Variants in EDIL3 observed in about 807,000 individuals in gnomAD.
EDIL3 encodes EGF like and discoidin domains 3.
A neutral mutation model predicts 67.4 loss-of-function variants in EDIL3; 37 were observed. The observed-to-expected ratio is 0.55, with a 90% CI of 0.42 to 0.72. EDIL3 has a LOEUF of 0.72. Among genes scored for constraint, EDIL3 ranks in the 30% least tolerant of loss-of-function variants. EDIL3 has a pLI of 0.00. For synonymous variants in EDIL3, 195 were observed against 196.3 expected (o/e 0.99, Z 0.05); for missense variants, 527 against 586.3 (o/e 0.90, Z 1.04).
chr5:84,280,885 A>G (rs1580052628), intron 1 of EDIL3, among the ~76,000 whole-genome samples: 1 of 148,040 alleles, frequency 6.8e-6, no homozygotes, highest in African/African-American at 2.5e-5. Context: ...CATGAGTTTG[A>G]AGCTACAGTG....
intron 1 of EDIL3, among the ~76,000 whole-genome samples, chr5:84,370,865 G>A (rs1747828518): frequency 6.6e-6 from 1 of 151,912 alleles, no homozygotes; most frequent in African/African-American, 2.4e-5. Context: ...GTCTATCAAA[G>A]GAACACATTT....
At chr5:84,140,393 T>G (rs1276190430) in intron 4 of EDIL3, among the ~76,000 whole-genome samples, 1 of 152,100 alleles carries the variant, frequency 6.6e-6, no homozygotes, top group African/African-American at 2.4e-5. Context: ...GACACTGCTG[T>G]TTTTTGCCTC....
At chr5:84,346,247 G>A (rs1747238375) in intron 1 of EDIL3, among the ~76,000 whole-genome samples, 1 of 149,930 alleles carries the variant, frequency 6.7e-6, no homozygotes, top group Non-Finnish European at 1.5e-5. Context: ...GGGTTCAAGC[G>A]ATTCCCCTGC....
rs1744633985 is a variant in EDIL3 at position 83,963,203 on chromosome 5, A to C, written c.1293+2T>G. On this transcript the variant is annotated splice_donor_variant, in intron 10 of 10. Transcript: ENST00000296591. LOFTEE classifies it high-confidence loss of function. ...CTTTATAAACCGATTTGGCTGACTT[A>C]CCTTATCTTTTCTTTGCTTTTCATC... 6.3e-7 allele frequency: 1 copy of C among 1,590,246 alleles called. No individual in the cohort carries two copies. The highest frequency in any genetic ancestry group is 8.5e-7 in the Non-Finnish European group (1 of 1,170,702).
At chr5:83,997,810 G>A (rs992746618) in intron 9 of EDIL3, among the ~76,000 whole-genome samples, 2 of 152,112 alleles carry the variant, frequency 1.3e-5, no homozygotes, top group African/African-American at 4.8e-5. Flanking sequence ...TCAGGTGAGT[G>A]ATCAGAGTAA....
intron 6 of EDIL3, among the ~76,000 whole-genome samples, chr5:84,074,608 T>C (rs1200271934): frequency 6.6e-6 from 1 of 151,706 alleles, no homozygotes; most frequent in African/African-American, 2.4e-5. Flanking sequence ...ATGCTCACCA[T>C]CACTGGCCAT....
intron 2 of EDIL3, among the ~76,000 whole-genome samples, chr5:84,232,408 A>G (rs1023283075): frequency 1.3e-5 from 2 of 152,088 alleles, no homozygotes; most frequent in Non-Finnish European, 2.9e-5. Flanking sequence ...TCTAAGAAGG[A>G]AGACTGGAAG....
At chr5:84,240,568 A>G (rs1363262098) in intron 2 of EDIL3, among the ~76,000 whole-genome samples, 1 of 152,066 alleles carries the variant, frequency 6.6e-6, no homozygotes, top group Non-Finnish European at 1.5e-5. Flanking sequence ...AGGAGCAGGA[A>G]CCCTATTGTG....
chr5:84,298,800 C>G (rs1746099249), intron 1 of EDIL3, among the ~76,000 whole-genome samples: 1 of 152,118 alleles, frequency 6.6e-6, no homozygotes, highest in East Asian at 1.9e-4. Context: ...CTTCTCCATT[C>G]TTGACAACAC....
intron 2 of EDIL3, among the ~76,000 whole-genome samples, chr5:84,248,593 T>C (rs1039768564): frequency 6.6e-6 from 1 of 152,222 alleles, no homozygotes; most frequent in Non-Finnish European, 1.5e-5. Flanking sequence ...TCTACATCTA[T>C]GCTTGACTTC....
intron 9 of EDIL3, among the ~76,000 whole-genome samples, chr5:84,053,811 A>C (rs1246022095): frequency 6.6e-6 from 1 of 152,194 alleles, no homozygotes; most frequent in Non-Finnish European, 1.5e-5. Flanking sequence ...TTGAGGCAAG[A>C]ATTAATAGCT....
chr5:83,956,849 CCTGT>C (rs1015478193), intron 10 of EDIL3, among the ~76,000 whole-genome samples: 1 of 151,500 alleles, frequency 6.6e-6, no homozygotes, highest in African/African-American at 2.4e-5. Flanking sequence ...AATATACATA[CCTGT>C]CTATGTACAC....
rs184724522 is a variant in EDIL3 at position 84,010,499 on chromosome 5, T to C, written c.1138-47139A>G. On this transcript the variant is annotated intron_variant, in intron 9 of 10. Coordinates refer to ENST00000296591, the MANE Select transcript of EDIL3 (RefSeq NM_005711.5). ...TTATTTTTCCAAATTATCTTTCCAG[T>C]ACAGGTTCTATTTCCTCCAATTTTT... Among the ~76,000 whole-genome samples the C allele has an allele frequency of 6.8e-4, 103 of 152,294 alleles. 1 individual carries two copies. The East Asian group carries it at 0.015, about 22-fold the overall frequency.
At chr5:84,310,702 T>A (rs2112141954) in intron 1 of EDIL3, among the ~76,000 whole-genome samples, 1 of 152,308 alleles carries the variant, frequency 6.6e-6, no homozygotes, top group Non-Finnish European at 1.5e-5. Flanking sequence ...GGTCATTTTT[T>A]AAAATAGATA....
intron 1 of EDIL3, among the ~76,000 whole-genome samples, chr5:84,346,101 ATCTC>A (rs1304650386): frequency 6.9e-6 from 1 of 145,904 alleles, no homozygotes; most frequent in Non-Finnish European, 1.5e-5. Flanking sequence ...TTTCCCTTAA[ATCTC>A]TATATCAGGA....
chr5:84,008,114 G>A (rs1425142713), intron 9 of EDIL3, among the ~76,000 whole-genome samples: 1 of 152,066 alleles, frequency 6.6e-6, no homozygotes, highest in South Asian at 2.1e-4. Flanking sequence ...AATAGAATGA[G>A]GGTTACCAGA....
At chr5:84,033,474 C>T (rs930324293) in intron 9 of EDIL3, among the ~76,000 whole-genome samples, 17 of 151,890 alleles carry the variant, frequency 1.1e-4, no homozygotes, top group African/African-American at 3.9e-4. Flanking sequence ...TTTTGGGAGG[C>T]CAAGGCAGGC....
intron 9 of EDIL3, among the ~76,000 whole-genome samples, chr5:84,029,233 G>C (rs370817310): frequency 1.3e-5 from 2 of 152,076 alleles, no homozygotes; most frequent in East Asian, 3.9e-4. Context: ...CCAGCCTGGG[G>C]GACAGAGGGA....
intron 6 of EDIL3, among the ~76,000 whole-genome samples, chr5:84,102,680 A>C (rs1208241532): frequency 6.6e-6 from 1 of 152,052 alleles, no homozygotes; most frequent in African/African-American, 2.4e-5. Flanking sequence ...GAAATAAACA[A>C]TCTCTACAAT....
Sources: gnomAD v4.1 joint callset for allele counts (sites outside exome capture counted in the v4.1 genomes callset) on GRCh38, gnomAD v4.1.1 for gene constraint, MANE v1.5 for transcripts, NCBI Gene and HGNC (gene_info 2026-07-23, HGNC 2026-07-21) for gene names.